Variants in TASP1 observed in about 807,000 individuals in gnomAD.
TASP1 encodes threonine aspartase 1.
In TASP1, 16 loss-of-function variants were observed where a neutral mutation model predicts 56.6. The ratio of observed to expected loss-of-function variants is 0.28; its 90% CI spans 0.19 to 0.43. TASP1 has a LOEUF of 0.43. Ranked by LOEUF, TASP1 falls within the 20% of genes least tolerant of loss-of-function variation. The pLI is 1.00. For synonymous variants in TASP1, 179 were observed against 184.2 expected (o/e 0.97, Z 0.23); for missense variants, 393 against 511.6 (o/e 0.77, Z 2.24).
chr20:13,354,139 T>C, the TASP1 span, among the ~76,000 whole-genome samples: 13 of 152,140 alleles, frequency 8.5e-5, no homozygotes, highest in African/African-American at 2.6e-4. Flanking sequence ...ATAAAGTAGA[T>C]GAAAGCTCCC....
chr20:13,577,753 C>CT (rs2046975550), intron 6 of TASP1, among the ~76,000 whole-genome samples: 1 of 152,178 alleles, frequency 6.6e-6, no homozygotes, highest in African/African-American at 2.4e-5. Context: ...GTGAGAAATA[C>CT]TTTTCTACTG....
chr20:13,335,378 A>G, the TASP1 span, among the ~76,000 whole-genome samples: 1 of 151,296 alleles, frequency 6.6e-6, no homozygotes, highest in Non-Finnish European at 1.5e-5. Context: ...ACACCCTGGC[A>G]GGAGATTTAG....
intron 13 of TASP1, among the ~76,000 whole-genome samples, chr20:13,406,074 T>C (rs552702311): frequency 2.0e-5 from 3 of 152,210 alleles, no homozygotes; most frequent in Non-Finnish European, 4.4e-5. Context: ...GCCTTGATTA[T>C]AGTAGCTTAA....
the TASP1 span, among the ~76,000 whole-genome samples, chr20:13,191,347 A>G: frequency 6.6e-6 from 1 of 152,228 alleles, no homozygotes; most frequent in African/African-American, 2.4e-5. Context: ...CTAAGTGTCC[A>G]TTAACACATG....
At chr20:13,537,809 A>G (rs1568558327) in intron 8 of TASP1, among the ~76,000 whole-genome samples, 1 of 152,204 alleles carries the variant, frequency 6.6e-6, no homozygotes, top group Non-Finnish European at 1.5e-5. Context: ...TAACCAATAA[A>G]TAAGCAGTCC....
intron 11 of TASP1, among the ~76,000 whole-genome samples, chr20:13,456,920 A>T (rs755599389): frequency 2.0e-5 from 3 of 152,190 alleles, no homozygotes; most frequent in African/African-American, 4.8e-5. Context: ...CACAACATAC[A>T]AGAAGGAAAA....
chr20:13,583,494 C>T (rs1056935844), intron 5 of TASP1, among the ~76,000 whole-genome samples: 2 of 152,230 alleles, frequency 1.3e-5, no homozygotes, highest in East Asian at 3.8e-4. Context: ...TCAATCACTG[C>T]TTAATAACTC....
At chr20:13,119,455 C>T in the TASP1 span, among the ~76,000 whole-genome samples, 1 of 152,180 alleles carries the variant, frequency 6.6e-6, no homozygotes, top group African/African-American at 2.4e-5. Flanking sequence ...CTTGTCCACA[C>T]AATTTCTATT....
intron 7 of TASP1, among the ~76,000 whole-genome samples, chr20:13,562,913 AT>A (rs2046390928): frequency 8.8e-6 from 1 of 113,716 alleles, no homozygotes; most frequent in Non-Finnish European, 1.7e-5. Context: ...ATACATATAT[AT>A]ATGTGTGTGT....
chr20:13,523,951 C>A (rs1049851068), intron 10 of TASP1, among the ~76,000 whole-genome samples: 2 of 151,896 alleles, frequency 1.3e-5, no homozygotes, highest in Non-Finnish European at 2.9e-5. Context: ...GAGTTCAAGA[C>A]CAGCCCGGGC....
intron 4 of TASP1, 89 bp from the exon 5 acceptor site, chr20:13,587,459 G>T: frequency 8.9e-7 from 1 of 1,128,122 alleles, no homozygotes. Flanking sequence ...AAAGCTAGAA[G>T]GTGAGAGAAT....
At chr20:13,557,177 G>A (rs1310064521) in intron 8 of TASP1, among the ~76,000 whole-genome samples, 2 of 151,946 alleles carry the variant, frequency 1.3e-5, no homozygotes, top group Admixed American at 6.6e-5. Flanking sequence ...AGCTTTATTC[G>A]TAATAGTAAA....
chr20:13,151,894 C>T, the TASP1 span, among the ~76,000 whole-genome samples: 1 of 152,000 alleles, frequency 6.6e-6, no homozygotes, highest in Admixed American at 6.6e-5. Context: ...TCCAACCTAG[C>T]GATATCCTAT....
chr20:13,406,172 C>A (rs1378246457), intron 13 of TASP1, among the ~76,000 whole-genome samples: 1 of 152,014 alleles, frequency 6.6e-6, no homozygotes, highest in Non-Finnish European at 1.5e-5. Flanking sequence ...CTTTAAATTC[C>A]CACACAAATT....
chr20:13,123,493 A>T, the TASP1 span, among the ~76,000 whole-genome samples: 15,431 of 152,176 alleles, frequency 0.1, 1,443 homozygotes, highest in African/African-American at 0.25. Flanking sequence ...TAAGGCACAG[A>T]GAGATTTAGT....
the TASP1 span, among the ~76,000 whole-genome samples, chr20:13,175,751 ATC>A: frequency 6.6e-6 from 1 of 152,230 alleles, no homozygotes; most frequent in Admixed American, 6.5e-5. Flanking sequence ...ATTAGAAAAT[ATC>A]TCTGAAAGGT....
intron 4 of TASP1, among the ~76,000 whole-genome samples, chr20:13,605,586 G>A (rs981747102): frequency 6.6e-6 from 1 of 151,938 alleles, no homozygotes; most frequent in Admixed American, 6.6e-5. Context: ...AGGGAGATCA[G>A]GGAGACTGCT....
the TASP1 span, among the ~76,000 whole-genome samples, chr20:13,378,764 G>A: frequency 6.6e-6 from 1 of 152,108 alleles, no homozygotes; most frequent in Non-Finnish European, 1.5e-5. Flanking sequence ...CTCCTGTATT[G>A]TGTGCATATA....
chr20:13,394,274 A>G (rs1222589868), intron 13 of TASP1, among the ~76,000 whole-genome samples: 1 of 142,328 alleles, frequency 7.0e-6, no homozygotes, highest in South Asian at 2.2e-4. Context: ...GCAGTGAGCC[A>G]ACCTCGTGCC....
Sources: gnomAD v4.1 joint callset for allele counts (sites outside exome capture counted in the v4.1 genomes callset) on GRCh38, gnomAD v4.1.1 for gene constraint, MANE v1.5 for transcripts, NCBI Gene and HGNC (gene_info 2026-07-23, HGNC 2026-07-21) for gene names.